The following ASCC2 variants were observed in gnomAD, a reference collection of about 807,000 sequenced individuals.
ASCC2 encodes the protein ASC-1 complex subunit P100.
In ASCC2, 42 loss-of-function variants were observed where a neutral mutation model predicts 93.5. The observed-to-expected ratio is 0.45, with a 90% confidence interval of 0.35 to 0.58. The LOEUF (loss-of-function observed/expected upper bound fraction) is 0.58, where lower values mean the gene tolerates loss of function less well. ASCC2 is among the 20% of genes least tolerant of loss of function. ASCC2 has a pLI of 0.00. For synonymous variants in ASCC2, 364 were observed against 384.2 expected, an observed-to-expected ratio of 0.95 and a Z score of 0.62; for missense variants, 859 against 977.6, an observed-to-expected ratio of 0.88 and a Z score of 1.62.
intron 15 of ASCC2, among the ~76,000 whole-genome samples, chr22:29,798,534 A>G (rs1247177208): frequency 2.0e-5 from 3 of 152,220 alleles, no homozygotes; most frequent in East Asian, 3.8e-4. Context: ...AGGTCAACCA[A>G]GCCTAGACGG....
At chr22:29,803,041 G>GT (rs1230310540) in intron 13 of ASCC2, among the ~76,000 whole-genome samples, 1 of 152,092 alleles carries the variant, frequency 6.6e-6, no homozygotes, top group Non-Finnish European at 1.5e-5. Flanking sequence ...GAGGTCAGGA[G>GT]TTTGAGACCA....
chr22:29,807,354 C>T (rs2059800669), intron 9 of ASCC2, among the ~76,000 whole-genome samples: 1 of 151,362 alleles, frequency 6.6e-6, no homozygotes, highest in Non-Finnish European at 1.5e-5. Context: ...CCTCACAATT[C>T]ACTGCTGAGA....
rs1005105325 is a variant in ASCC2, at chr22:29,832,274, T to C, written c.52A>G (p.Thr18Ala). ...QLQITHKDPK[T>A]GKLRTSPALH... Reference sequence around the variant, plus strand: ...GCTGGTGAAGTCCTCAGCTTTCCTGTCTTCGGGTCCTTGTGGGTGATCTGG... The same window carrying C: ...GCTGGTGAAGTCCTCAGCTTTCCTGCCTTCGGGTCCTTGTGGGTGATCTGG... Residue 18 changes from threonine to alanine, a missense_variant, in exon 2 of 20, where the codon ACA becomes GCA. Transcript: ENST00000307790. 3 of 1,613,956 alleles carry C rather than the reference T, an allele frequency of 1.9e-6. No individual in the cohort carries two copies. In the African/African-American group the frequency reaches 4.0e-5, roughly 22 times the overall value.
At chr22:29,833,366 C>T (rs1445110884) in intron 1 of ASCC2, among the ~76,000 whole-genome samples, 1 of 152,092 alleles carries the variant, frequency 6.6e-6, no homozygotes, top group Non-Finnish European at 1.5e-5. Flanking sequence ...TAAGATTTTG[C>T]AACCTTTCTA....
rs926831604 is a variant in ASCC2, at chr22:29,825,033, G to A, written c.411+54C>T. The A allele has an allele frequency of 2.9e-5, 39 of 1,333,242 alleles. No homozygotes were observed. The Admixed American group carries it at 5.1e-4, about 17-fold the overall frequency. The allele number at this position is 1,333,242 out of a possible 1,614,324, so 82.6% of individuals were successfully genotyped here. A position where few individuals can be genotyped will look rare whatever the true frequency, so the allele number is the denominator to read the frequency against. ...CTTCCTTCCCAGGGGTGGAGAGCCC[G>A]GCACAGAGGTGTCGAGTATCGGGTG... is the stretch of plus-strand genomic sequence containing the variant. On this transcript the variant is annotated intron_variant, in intron 4 of 19. Transcript: ENST00000307790. This position sits in a 1 kb window ranked among gnomAD's most constrained non-coding sequence, Gnocchi z 4.9.
intron 15 of ASCC2, among the ~76,000 whole-genome samples, chr22:29,797,913 C>T (rs181307339): frequency 1.3e-5 from 2 of 152,266 alleles, no homozygotes; most frequent in Admixed American, 6.5e-5. Flanking sequence ...TTACAGATGC[C>T]TGCCACCATG....
intron 5 of ASCC2, among the ~76,000 whole-genome samples, chr22:29,820,660 G>A (rs564397059): frequency 1.5e-3 from 221 of 151,832 alleles, no homozygotes; most frequent in African/African-American, 5.0e-3. Context: ...AAGGCTGGGC[G>A]CAGTGGCTCA....
Position 29,790,534 on chromosome 22 carries a change from A to G in ASCC2, c.2037T>C (p.Val679=). 1 of 1,614,090 alleles carries G rather than the reference A, an allele frequency of 6.2e-7. No homozygotes were observed. The highest frequency in any genetic ancestry group is 8.5e-7 in the Non-Finnish European group (1 of 1,180,020). The change falls in exon 19 of 20, where the codon GTT becomes GTC. Residue 679 remains valine, a synonymous_variant. Transcript: ENST00000307790. ...DEEAPKPDHF[V]QDPAVLREKA... ...TCTCTCTCAGCACTGCAGGGTCCTG[A>G]ACAAAATGGTCGGGCTGTGGAAAGG...
At chr22:29,813,311 C>T in intron 8 of ASCC2, 119 bp downstream of exon 8, 1 of 731,188 alleles carries the variant, frequency 1.4e-6, no homozygotes, top group South Asian at 1.7e-5. Flanking sequence ...CATCCCCAGG[C>T]TGGAAGAGGG....
intron 17 of ASCC2, among the ~76,000 whole-genome samples, 172 bp from the exon 18 acceptor site, chr22:29,792,707 T>C (rs1028336798): frequency 6.6e-6 from 1 of 152,022 alleles, no homozygotes; most frequent in African/African-American, 2.4e-5. Flanking sequence ...TTCTCTGAGG[T>C]TACCAGAATT....
At chr22:29,803,436 C>T (rs2059331866) in intron 13 of ASCC2, among the ~76,000 whole-genome samples, 2 of 152,136 alleles carry the variant, frequency 1.3e-5, no homozygotes, top group African/African-American at 4.8e-5. Flanking sequence ...ATACCACCCA[C>T]CTCATGGGGT....
At chr22:29,838,109 C>G in intron 1 of ASCC2, 69 bp downstream of exon 1, 1 of 456,374 alleles carries the variant, frequency 2.2e-6, no homozygotes, top group East Asian at 6.9e-5. Flanking sequence ...CCAAGGCTGC[C>G]CAAGGCATAG....
intron 2 of ASCC2, among the ~76,000 whole-genome samples, chr22:29,831,295 G>A (rs142807193): frequency 0.011 from 1,711 of 152,312 alleles, 29 homozygotes; most frequent in African/African-American, 0.037. Context: ...GGGTCTGCCT[G>A]GCTAGGCTCC....
At chr22:29,793,713 A>G in intron 15 of ASCC2, 37 bp from the exon 16 acceptor site, 15 of 1,539,334 alleles carry the variant, frequency 9.7e-6, no homozygotes, top group Non-Finnish European at 1.3e-5. Context: ...AAGGAAAACC[A>G]TCAGGCTTGG....
At chr22:29,829,850 G>C (rs891205394) in intron 2 of ASCC2, among the ~76,000 whole-genome samples, 1 of 152,144 alleles carries the variant, frequency 6.6e-6, no homozygotes, top group African/African-American at 2.4e-5. Flanking sequence ...GGGTCTTCAA[G>C]TATGTGCTAT....
chr22:29,800,769 G>T (rs947359586), intron 15 of ASCC2, among the ~76,000 whole-genome samples: 1 of 152,158 alleles, frequency 6.6e-6, no homozygotes, highest in African/African-American at 2.4e-5. Flanking sequence ...TATCAACAGG[G>T]GGGATTCACT....
At chr22:29,801,262 G>T in intron 14 of ASCC2, 152 bp from the exon 15 acceptor site, 1 of 1,086,224 alleles carries the variant, frequency 9.2e-7, no homozygotes, top group Non-Finnish European at 1.3e-6. Flanking sequence ...TGAAGAGGGA[G>T]ATAAGCTGCT....
intron 5 of ASCC2, among the ~76,000 whole-genome samples, chr22:29,817,781 A>T (rs1335566495): frequency 2.0e-5 from 3 of 152,206 alleles, no homozygotes; most frequent in Non-Finnish European, 2.9e-5. Flanking sequence ...GACAGTGACG[A>T]TGTAACTTTT....
intron 2 of ASCC2, among the ~76,000 whole-genome samples, chr22:29,827,757 GACACACACACACACACAC>G (rs35763537): frequency 2.0e-5 from 2 of 100,932 alleles, no homozygotes; most frequent in Non-Finnish European, 4.0e-5. Context: ...TCATTCTCCC[GACACACACACACACACAC>G]ACACACACAC....
Sources: allele counts gnomAD v4.1 joint callset (sites outside exome capture counted in the v4.1 genomes callset), GRCh38; gene constraint gnomAD v4.1.1; non-coding constraint Gnocchi (gnomAD v3.1); transcripts MANE v1.5; gene names NCBI Gene and HGNC (gene_info 2026-07-23, HGNC 2026-07-21).